RHOU: variants seen among roughly 807,000 people sequenced by gnomAD.
RHOU encodes the protein rho-related GTP-binding protein RhoU.
RHOU carries 8 observed loss-of-function variants against 12.6 expected under a neutral mutation model. The ratio of observed to expected loss-of-function variants is 0.64; its 90% confidence interval spans 0.37 to 1.15. The LOEUF (loss-of-function observed/expected upper bound fraction) is 1.15, where lower values mean the gene tolerates loss of function less well. Ranked by LOEUF, RHOU falls within the 50% of genes most tolerant of loss-of-function variation. The pLI, the probability that RHOU is intolerant of heterozygous loss-of-function variation, is 0.01. For synonymous variants in RHOU, 161 were observed against 147.4 expected (o/e 1.09, Z -0.67); for missense variants, 258 against 347.0 (o/e 0.74, Z 2.04).
At chr1:228,707,857 T>C in the RHOU span, among the ~76,000 whole-genome samples, 1 of 152,018 alleles carries the variant, frequency 6.6e-6, no homozygotes, top group Admixed American at 6.6e-5. Flanking sequence ...ATCAAATTAC[T>C]CCGAGCTATG....
At chr1:228,681,247 G>A in the RHOU span, among the ~76,000 whole-genome samples, 1 of 152,156 alleles carries the variant, frequency 6.6e-6, no homozygotes, top group Non-Finnish European at 1.5e-5. Flanking sequence ...GCAGGAGGGG[G>A]AGAGCTAGTC....
chr1:228,707,235 G>A, the RHOU span, among the ~76,000 whole-genome samples: 76 of 76,718 alleles, frequency 9.9e-4, 1 homozygote, highest in Middle Eastern at 5.3e-3. Flanking sequence ...ATATACATAT[G>A]TATATATATA....
chr1:228,657,920 C>T, the RHOU span, among the ~76,000 whole-genome samples: 1 of 152,260 alleles, frequency 6.6e-6, no homozygotes, highest in East Asian at 1.9e-4. Context: ...AAACAACACA[C>T]TGCTATGGTC....
At chr1:228,685,968 T>C in the RHOU span, among the ~76,000 whole-genome samples, 1 of 152,206 alleles carries the variant, frequency 6.6e-6, no homozygotes, top group Non-Finnish European at 1.5e-5. Flanking sequence ...GATCAGAGTT[T>C]ATAAGATCAG....
chr1:228,650,257 G>A, the RHOU span: 1 of 459,046 alleles, frequency 2.2e-6, no homozygotes, highest in African/African-American at 2.0e-5. Flanking sequence ...CTGGGTCGCT[G>A]GGTCGCTGGC....
At chr1:228,682,744 T>C in the RHOU span, among the ~76,000 whole-genome samples, 4 of 152,140 alleles carry the variant, frequency 2.6e-5, no homozygotes. Context: ...CCTCACAACA[T>C]AGAAACAGAA....
At chr1:228,707,696 C>G in the RHOU span, among the ~76,000 whole-genome samples, 2 of 152,118 alleles carry the variant, frequency 1.3e-5, no homozygotes, top group Non-Finnish European at 2.9e-5. Flanking sequence ...GATAAAACCA[C>G]AAAGATGGAG....
At chr1:228,663,103 T>C in the RHOU span, among the ~76,000 whole-genome samples, 2 of 152,356 alleles carry the variant, frequency 1.3e-5, no homozygotes, top group Non-Finnish European at 2.9e-5. Context: ...TTTTGTAGTA[T>C]TTGAAAATTA....
the RHOU span, among the ~76,000 whole-genome samples, chr1:228,657,657 A>T: frequency 6.6e-6 from 1 of 152,224 alleles, no homozygotes; most frequent in Non-Finnish European, 1.5e-5. Context: ...GGACTTGAAC[A>T]ACACAATAAA....
chr1:228,673,948 A>T, the RHOU span, among the ~76,000 whole-genome samples: 19 of 152,176 alleles, frequency 1.2e-4, 1 homozygote, highest in African/African-American at 4.6e-4. Flanking sequence ...GCTCTACTTT[A>T]GTAGATCCTT....
At chr1:228,713,697 A>T in the RHOU span, among the ~76,000 whole-genome samples, 1 of 152,166 alleles carries the variant, frequency 6.6e-6, no homozygotes, top group African/African-American at 2.4e-5. Flanking sequence ...CTAGCAAATT[A>T]ATCAAACCCA....
the RHOU span, among the ~76,000 whole-genome samples, chr1:228,702,940 C>T: frequency 1.3e-5 from 2 of 152,084 alleles, no homozygotes; most frequent in Admixed American, 6.6e-5. Context: ...TTAGCTACTC[C>T]ACAATCTGCC....
rs1318415236 is a variant in RHOU, at chr1:228,743,120, C to G, written c.322-165C>G. Among the ~76,000 whole-genome samples, 1 of 152,166 alleles carries G rather than the reference C, an allele frequency of 6.6e-6. No homozygotes were observed. Among genetic ancestry groups the G allele is most frequent in the Non-Finnish European group, 1.5e-5 (1 of 68,036 alleles). On this transcript the variant is annotated intron_variant, in intron 2 of 2. Coordinates refer to ENST00000366691, the MANE Select transcript of RHOU (RefSeq NM_021205.6). The surrounding 1 kb of genome is among the most constrained non-coding windows in gnomAD (Gnocchi z 5.1). ...CACACCTTCGCTGGTGCACTGGCCC[C>G]GCTTGGGTAAACAGTAGGATCGTTT...
the RHOU span, among the ~76,000 whole-genome samples, chr1:228,647,374 G>T: frequency 6.6e-6 from 1 of 152,204 alleles, no homozygotes; most frequent in Non-Finnish European, 1.5e-5. Flanking sequence ...GGTACCGGGC[G>T]CGTCCGGAGG....
At chr1:228,684,099 A>G in the RHOU span, among the ~76,000 whole-genome samples, 2 of 152,156 alleles carry the variant, frequency 1.3e-5, no homozygotes, top group Non-Finnish European at 2.9e-5. Flanking sequence ...GTGCAGTGGC[A>G]TGATCTCGGC....
At chr1:228,679,747 A>G in the RHOU span, among the ~76,000 whole-genome samples, 3 of 151,928 alleles carry the variant, frequency 2.0e-5, no homozygotes. Flanking sequence ...GGTAAGGGTG[A>G]TTAGGTTTTA....
the RHOU span, among the ~76,000 whole-genome samples, chr1:228,647,719 G>A: frequency 6.6e-6 from 1 of 152,202 alleles, no homozygotes; most frequent in African/African-American, 2.4e-5. Flanking sequence ...GCTGGATCCG[G>A]TTTCATCGTG....
the RHOU span, among the ~76,000 whole-genome samples, chr1:228,692,400 C>T: frequency 6.6e-6 from 1 of 152,016 alleles, no homozygotes; most frequent in East Asian, 1.9e-4. Flanking sequence ...GCCACCATGC[C>T]CTGGCCCAAC....
chr1:228,718,994 C>T, the RHOU span, among the ~76,000 whole-genome samples: 11 of 152,148 alleles, frequency 7.2e-5, no homozygotes, highest in South Asian at 1.7e-3. Flanking sequence ...AATATATCGT[C>T]TAAAAGGTTT....
Sources: allele counts gnomAD v4.1 joint callset (sites outside exome capture counted in the v4.1 genomes callset), GRCh38; gene constraint gnomAD v4.1.1; non-coding constraint Gnocchi (gnomAD v3.1); transcripts MANE v1.5; gene names NCBI Gene and HGNC (gene_info 2026-07-23, HGNC 2026-07-21).